Variants in TXNRD2 observed in about 807,000 individuals in gnomAD.
The protein encoded by TXNRD2 is thioredoxin reductase 2, mitochondrial.
In TXNRD2, 67 loss-of-function variants were observed where a neutral mutation model predicts 70.8. The ratio of observed to expected loss-of-function variants is 0.95; its 90% CI spans 0.78 to 1.16. TXNRD2 has a LOEUF of 1.16. Ranked by LOEUF, TXNRD2 falls within the 50% of genes most tolerant of loss-of-function variation. The pLI, the probability that TXNRD2 is intolerant of heterozygous loss-of-function variation, is 0.00. For synonymous variants in TXNRD2, 301 were observed against 295.8 expected (o/e 1.02, Z -0.18); for missense variants, 644 against 719.9 (o/e 0.89, Z 1.21).
At position 19,915,273 on chromosome 22, in the gene TXNRD2, G is replaced by A. The variant is rs1416081507; in HGVS notation, c.532C>T (p.Leu178=). ...ATGATGATGTGATCGGCTGACAGCA[G>A]AATCTGAGGAGAAAAAGAGAAAGCC... The part of the protein sequence containing the change: ...CGVAKGGKEI[L]LSADHIIIAT... The change falls in exon 7 of 18, where the codon CTG becomes TTG. Residue 178 remains leucine, a synonymous_variant. Coordinates refer to ENST00000400521, the MANE Select transcript of TXNRD2 (RefSeq NM_006440.5). 1.9e-6 allele frequency: 3 copies of A among 1,613,524 alleles called. No homozygotes were observed. Among genetic ancestry groups the A allele is most frequent in the East Asian group, 2.2e-5 (1 of 44,886 alleles).
chr22:19,880,436 C>T (rs1245942726), intron 13 of TXNRD2, among the ~76,000 whole-genome samples, 165 bp from the exon 14 acceptor site: 1 of 152,246 alleles, frequency 6.6e-6, no homozygotes, highest in Non-Finnish European at 1.5e-5. Flanking sequence ...GCCACACTCT[C>T]AGAACTGAGC....
chr22:19,890,509 G>A (rs563164096), intron 11 of TXNRD2, among the ~76,000 whole-genome samples: 1 of 152,198 alleles, frequency 6.6e-6, no homozygotes, highest in South Asian at 2.1e-4. Context: ...CCACAAACTT[G>A]GTTTCACGCA....
At chr22:19,928,229 C>A (rs750232625) in intron 2 of TXNRD2, among the ~76,000 whole-genome samples, 6 of 152,014 alleles carry the variant, frequency 3.9e-5, no homozygotes, top group Non-Finnish European at 8.8e-5. Context: ...TAGGCACTTA[C>A]CCAAAATAAT....
At chr22:19,912,094 C>T (rs1449644967) in intron 7 of TXNRD2, among the ~76,000 whole-genome samples, 4 of 152,116 alleles carry the variant, frequency 2.6e-5, no homozygotes, top group African/African-American at 4.8e-5. Context: ...AGGGCTGGCC[C>T]GGGTGGGCTC....
rs1209514919 is a variant in TXNRD2, at chr22:19,911,368, A to C, written c.662+9T>G. On this transcript the variant is annotated intron_variant, in intron 8 of 17. Coordinates refer to ENST00000400521, the MANE Select transcript of TXNRD2 (RefSeq NM_006440.5). The stretch of plus-strand genomic sequence containing the variant: ...AAAGAGGACCCCACCAAGCACGCGC[A>C]GGCCTTACGTTTTTCCAGGGGATTC... 9.9e-6 allele frequency: 16 copies of C among 1,611,926 alleles called. No homozygotes were observed. The highest frequency in any genetic ancestry group is 1.3e-5 in the Non-Finnish European group (15 of 1,178,040).
chr22:19,934,252 G>A (rs991055928), intron 1 of TXNRD2, among the ~76,000 whole-genome samples: 3 of 152,230 alleles, frequency 2.0e-5, no homozygotes, highest in South Asian at 2.1e-4. Context: ...AGAAACTGCA[G>A]GGCCCACAGT....
At chr22:19,902,889 T>C (rs761663667) in intron 8 of TXNRD2, 1 of 503,906 alleles carries the variant, frequency 2.0e-6, no homozygotes, top group South Asian at 1.5e-5. Flanking sequence ...AAATTTATCT[T>C]CTTCCCTCTT....
At chr22:19,932,312 T>G (rs756850464) in intron 1 of TXNRD2, 2 of 1,612,232 alleles carry the variant, frequency 1.2e-6, no homozygotes, top group East Asian at 2.2e-5. Flanking sequence ...GGGCTCAGGT[T>G]TCATCCCTGG....
rs1938727490 is a variant in TXNRD2, at chr22:19,880,650, C to G, written c.1154G>C (p.Gly385Ala). Residue 385 changes from glycine (G) to alanine (A), a missense_variant, in exon 13 of 18, where the codon GGG becomes GCG. Transcript: ENST00000400521. ...GRLLVQRLFG[G>A]SSDLMDYDNV... is the part of the protein sequence containing the mutation. Reference sequence around the variant, plus strand: ...GTCGTAGTCCATCAGATCTGAGGACCCGCCGAAGAGCCGCTGCACCAGGAG... The same window carrying G: ...GTCGTAGTCCATCAGATCTGAGGACGCGCCGAAGAGCCGCTGCACCAGGAG... 2 of 1,613,424 alleles carry G rather than the reference C, an allele frequency of 1.2e-6. No individual in the cohort carries two copies. The highest frequency in any genetic ancestry group is 1.7e-6 in the Non-Finnish European group (2 of 1,180,032).
intron 13 of TXNRD2, 33 bp from the exon 14 acceptor site, chr22:19,880,304 T>C (rs1378052375): frequency 6.2e-7 from 1 of 1,607,714 alleles, no homozygotes; most frequent in Admixed American, 1.7e-5. Flanking sequence ...GGAGGGCCCT[T>C]GGGCCCCGAA....
intron 8 of TXNRD2, among the ~76,000 whole-genome samples, chr22:19,909,900 C>CT (rs1293201961): frequency 5.0e-4 from 54 of 109,082 alleles, no homozygotes; most frequent in Middle Eastern, 5.0e-3. Context: ...CACACACACA[C>CT]ACCACACACC....
In TXNRD2 at chr22:19,876,919, C is replaced by T. The variant is rs371940908; in HGVS notation, c.*65+121G>A. On this transcript the variant is annotated intron_variant, in intron 17 of 17. Coordinates refer to ENST00000400521, the MANE Select transcript of TXNRD2 (RefSeq NM_006440.5). ...TGTGGCCTGGTTACAGGATGGAGCA[C>T]CCATTCTGGGTGGCGTGGCAGGTGT... 1.5e-5 allele frequency: 10 copies of T among 653,206 alleles called. No individual in the cohort carries two copies. The South Asian group carries it at 2.4e-4, about 16-fold the overall frequency. The allele number at this position is 653,206 out of a possible 1,614,324, so 40.5% of individuals were successfully genotyped here. A position where few individuals can be genotyped will look rare whatever the true frequency, so the allele number is the denominator to read the frequency against.
At chr22:19,915,094 G>A in intron 7 of TXNRD2, 120 bp downstream of exon 7, 2 of 902,754 alleles carry the variant, frequency 2.2e-6, no homozygotes, top group Non-Finnish European at 3.6e-6. Context: ...ATGATAGTGA[G>A]TATAGGGGGA....
At chr22:19,883,647 G>T in intron 11 of TXNRD2, 186 bp from the exon 12 acceptor site, 1 of 749,044 alleles carries the variant, frequency 1.3e-6, no homozygotes, top group South Asian at 1.6e-5. Context: ...AGACCAGGCT[G>T]GCCAACATGA....
At chr22:19,889,988 A>T (rs9606173) in intron 11 of TXNRD2, among the ~76,000 whole-genome samples, 26,461 of 152,128 alleles carry the variant, frequency 0.17, 2,338 homozygotes, top group East Asian at 0.2. Context: ...CAGTTGGACA[A>T]CCATGTATGC....
chr22:19,938,695 G>C (rs1007284732), intron 1 of TXNRD2, among the ~76,000 whole-genome samples: 2 of 152,110 alleles, frequency 1.3e-5, no homozygotes, highest in African/African-American at 4.8e-5. Context: ...GCAGAGATTT[G>C]CTGGCACAAA....
In TXNRD2 at chr22:19,936,850, A is replaced by T. The variant is rs534823661; in HGVS notation, c.103+4851T>A. Among the ~76,000 whole-genome samples, 12 of 152,116 alleles carry T rather than the reference A, an allele frequency of 7.9e-5. No homozygotes were observed. In the East Asian group the frequency reaches 2.1e-3, roughly 27 times the overall value. ...TCTATCTCATGTGCCTGCTCTTGAA[A>T]CTTTCATGCAATGCTTATTACGCCA... On this transcript the variant is annotated intron_variant, in intron 1 of 17. Transcript: ENST00000400521.
chr22:19,895,481 A>G lies in TXNRD2; in HGVS notation c.875T>C (p.Leu292Pro), dbSNP rs1939462492. 1 of 1,613,892 alleles carries G rather than the reference A, an allele frequency of 6.2e-7. No individual in the cohort carries two copies. Among genetic ancestry groups the G allele is most frequent in the African/African-American group, 1.3e-5 (1 of 74,944 alleles). ...GGTGCTGTCCTCCCAGGTGACCTGCAGCTGGCCATCAGGGAGCCTCCTGAC... is the reference window on the plus strand; with the variant it reads ...GGTGCTGTCCTCCCAGGTGACCTGCGGCTGGCCATCAGGGAGCCTCCTGAC... ...SRVRRLPDGQ[L>P]QVTWEDSTTG... The change falls in exon 11 of 18, where the codon CTG becomes CCG. Residue 292 changes from leucine to proline, a missense_variant. Leu to Pro is a moderately conservative substitution (Grantham distance 98). Around this residue, in one of 3 missense-constraint regions of TXNRD2, gnomAD observed 566 missense variants for 645.0 expected, o/e 0.88. Coordinates refer to ENST00000400521, the MANE Select transcript of TXNRD2 (RefSeq NM_006440.5).
At chr22:19,903,110 GC>G in intron 8 of TXNRD2, 17 of 498,920 alleles carry the variant, frequency 3.4e-5, no homozygotes, top group South Asian at 2.5e-4. Context: ...GGCCTGGCTG[GC>G]TGCAGCCCCT....
Sources: allele counts gnomAD v4.1 joint callset (sites outside exome capture counted in the v4.1 genomes callset), GRCh38; gene constraint gnomAD v4.1.1; regional missense constraint gnomAD v4.1.1; transcripts MANE v1.5; gene names NCBI Gene and HGNC (gene_info 2026-07-23, HGNC 2026-07-21).